AFAP1L1: variants seen among roughly 807,000 people sequenced by gnomAD.
AFAP1L1 encodes actin filament associated protein 1 like 1.
A neutral mutation model predicts 99.8 loss-of-function variants in AFAP1L1; 77 were observed. The ratio of observed to expected loss-of-function variants is 0.77; its 90% CI spans 0.64 to 0.93. The LOEUF is 0.93. Ranked by LOEUF, AFAP1L1 falls within the 40% of genes least tolerant of loss-of-function variation. AFAP1L1 has a pLI of 0.00. For synonymous variants in AFAP1L1, 373 were observed against 395.3 expected (o/e 0.94, Z 0.67); for missense variants, 893 against 996.8 (o/e 0.90, Z 1.40).
intron 11 of AFAP1L1, 80 bp from the exon 12 acceptor site, chr5:149,317,649 A>C (rs1756833199): frequency 1.3e-6 from 2 of 1,495,712 alleles, no homozygotes; most frequent in Middle Eastern, 1.9e-4. Context: ...CCTTCTTTCC[A>C]GCAGACACAT....
intron 1 of AFAP1L1, among the ~76,000 whole-genome samples, chr5:149,272,485 C>T (rs1755156364): frequency 6.6e-6 from 1 of 152,222 alleles, no homozygotes; most frequent in Middle Eastern, 3.4e-3. Flanking sequence ...AGGGAGGAGG[C>T]GGGGGTGGTT....
intron 1 of AFAP1L1, among the ~76,000 whole-genome samples, chr5:149,273,148 T>C (rs771628439): frequency 2.7e-5 from 4 of 150,384 alleles, no homozygotes; most frequent in Non-Finnish European, 3.0e-5. Flanking sequence ...TCTGCACCTC[T>C]GGGATCCAAA....
rs972136340 is a variant in AFAP1L1, at chr5:149,341,337, A to T, written c.*1307A>T. 2.4e-4 allele frequency: 37 copies of T among 152,110 alleles called. No homozygotes were observed. Among genetic ancestry groups the T allele is most frequent in the African/African-American group, 8.9e-4 (37 of 41,400 alleles). The allele number at this position is 152,110 out of a possible 1,614,324, so 9.4% of individuals were successfully genotyped here. On this transcript the variant is annotated 3_prime_UTR_variant, in exon 19 of 19. Transcript: ENST00000296721. Reference sequence around the variant, plus strand: ...AGGAAAAATAACCTGACCAGTAATCACCCACTGATTAGTGGCAGAGCGTAG... The same window carrying T: ...AGGAAAAATAACCTGACCAGTAATCTCCCACTGATTAGTGGCAGAGCGTAG...
At chr5:149,303,021 G>C (rs1756282182) in intron 5 of AFAP1L1, among the ~76,000 whole-genome samples, 1 of 152,180 alleles carries the variant, frequency 6.6e-6, no homozygotes. Context: ...CTAAACCAGA[G>C]GCTGTCAGAG....
chr5:149,339,602 T>G (rs547217744), intron 18 of AFAP1L1, among the ~76,000 whole-genome samples: 1 of 152,270 alleles, frequency 6.6e-6, no homozygotes, highest in East Asian at 1.9e-4. Context: ...AAATAGGAGC[T>G]GATGGATTAT....
intron 1 of AFAP1L1, among the ~76,000 whole-genome samples, chr5:149,295,600 G>A: frequency 6.6e-6 from 1 of 151,784 alleles, no homozygotes; most frequent in East Asian, 1.9e-4. Context: ...AAGAGGGAGG[G>A]AGAATGGAGA....
intron 8 of AFAP1L1, among the ~76,000 whole-genome samples, chr5:149,311,745 C>T (rs758609484): frequency 2.9e-4 from 44 of 152,290 alleles, no homozygotes; most frequent in Non-Finnish European, 5.0e-4. Flanking sequence ...CATCACTCTT[C>T]GCATCCATGG....
intron 14 of AFAP1L1, among the ~76,000 whole-genome samples, chr5:149,321,115 G>A (rs1376949109): frequency 6.6e-6 from 1 of 152,230 alleles, no homozygotes; most frequent in Non-Finnish European, 1.5e-5. Flanking sequence ...GACAACAGAT[G>A]TGTCTGCAGA....
At chr5:149,335,555 C>G (rs552894820) in intron 17 of AFAP1L1, 39 bp from the exon 18 acceptor site, 1 of 1,603,462 alleles carries the variant, frequency 6.2e-7, no homozygotes, top group African/African-American at 1.3e-5. Context: ...GTAGCCATCA[C>G]CAGATCTCAC....
chr5:149,308,893 G>A (rs919050070), intron 7 of AFAP1L1, among the ~76,000 whole-genome samples: 26 of 147,610 alleles, frequency 1.8e-4, no homozygotes, highest in Non-Finnish European at 3.1e-4. Flanking sequence ...CTAGGAGTTC[G>A]AAACCAGCCT....
intron 1 of AFAP1L1, among the ~76,000 whole-genome samples, chr5:149,273,956 G>A (rs1442832163): frequency 5.3e-5 from 8 of 152,096 alleles, no homozygotes; most frequent in Admixed American, 1.3e-4. Context: ...TTAAATGCTT[G>A]GTAACCAACA....
chr5:149,280,037 A>G lies in AFAP1L1; in HGVS notation c.16+8053A>G, dbSNP rs902898268. ...GGACCTAGTGTAATGCTTGATGCAT[A>G]GTAGGTGCTCAATAAATGTCTGTTG... On this transcript the variant is annotated intron_variant, in intron 1 of 18. Coordinates refer to ENST00000296721, the MANE Select transcript of AFAP1L1 (RefSeq NM_152406.4). 5.3e-5 allele frequency among the ~76,000 whole-genome samples: 8 copies of G among 152,306 alleles called. No homozygotes were observed. The East Asian group carries it at 1.5e-3, about 29-fold the overall frequency.
chr5:149,311,988 T>C (rs1971311), intron 8 of AFAP1L1, 124 bp from the exon 9 acceptor site: 175,898 of 814,202 alleles, frequency 0.22, 20,346 homozygotes, highest in African/African-American at 0.33. Flanking sequence ...GCTGTGTCAG[T>C]CCATCTGTTC....
chr5:149,284,089 C>T (rs780627888), intron 1 of AFAP1L1, among the ~76,000 whole-genome samples: 4 of 152,174 alleles, frequency 2.6e-5, no homozygotes, highest in Admixed American at 6.5e-5. Context: ...TGGAGAAAAT[C>T]GTGGAAAGAA....
Position 149,320,799 on chromosome 5 carries a change from C to T in AFAP1L1, c.1698+336C>T, listed in dbSNP as rs897203928. 2.0e-5 allele frequency among the ~76,000 whole-genome samples: 3 copies of T among 152,196 alleles called. No individual in the cohort carries two copies. The highest frequency in any genetic ancestry group is 7.2e-5 in the African/African-American group (3 of 41,436). Reference sequence around the variant, plus strand: ...CTCTGTGAACTTATCCTGCTGATTCCGTGGTGTCTGGGGCAGGTCCTGACT... The same window carrying T: ...CTCTGTGAACTTATCCTGCTGATTCTGTGGTGTCTGGGGCAGGTCCTGACT... On this transcript the variant is annotated intron_variant, in intron 14 of 18. Transcript: ENST00000296721. The surrounding 1 kb of genome is among the most constrained non-coding windows in gnomAD (Gnocchi z 4.0).
At chr5:149,275,757 C>T (rs1472008251) in intron 1 of AFAP1L1, among the ~76,000 whole-genome samples, 1 of 152,212 alleles carries the variant, frequency 6.6e-6, no homozygotes, top group African/African-American at 2.4e-5. Flanking sequence ...CCACCCGCCT[C>T]AGCCTCCCAA....
chr5:149,338,921 A>G (rs1334554864), intron 18 of AFAP1L1, among the ~76,000 whole-genome samples: 1 of 152,220 alleles, frequency 6.6e-6, no homozygotes, highest in Non-Finnish European at 1.5e-5. Context: ...GAGGAACATC[A>G]AGAAGATCCA....
At chr5:149,299,203 A>G (rs352344) in intron 1 of AFAP1L1, among the ~76,000 whole-genome samples, 142,244 of 152,242 alleles carry the variant, frequency 0.93, 66,518 homozygotes, top group Non-Finnish European at 0.94. Context: ...AGGCCTGAGA[A>G]CCTCTGCTCG....
chr5:149,341,028 T>C lies in AFAP1L1; in HGVS notation c.*998T>C, dbSNP rs140820490. 1 of 152,326 alleles carries C rather than the reference T, an allele frequency of 6.6e-6. No homozygotes were observed. The highest frequency in any genetic ancestry group is 1.9e-4 in the East Asian group (1 of 5,192). The allele number at this position is 152,326 out of a possible 1,614,324, so 9.4% of individuals were successfully genotyped here. ...ACCTTTTACAAACACTTGATACTTCTATAGAGGGACCAAGGACCTCAAGTC... is the reference window on the plus strand; with the variant it reads ...ACCTTTTACAAACACTTGATACTTCCATAGAGGGACCAAGGACCTCAAGTC... On this transcript the variant is annotated 3_prime_UTR_variant, in exon 19 of 19. Coordinates refer to ENST00000296721, the MANE Select transcript of AFAP1L1 (RefSeq NM_152406.4).
Sources: allele counts gnomAD v4.1 joint callset (sites outside exome capture counted in the v4.1 genomes callset), GRCh38; gene constraint gnomAD v4.1.1; non-coding constraint Gnocchi (gnomAD v3.1); transcripts MANE v1.5; gene names NCBI Gene and HGNC (gene_info 2026-07-23, HGNC 2026-07-21).